METTL2B: variants seen among roughly 807,000 people sequenced by gnomAD.
METTL2B encodes the protein tRNA N(3)-cytidine methyltransferase METTL2B.
Under a neutral mutation model 51.0 loss-of-function variants are expected in METTL2B, and 28 were observed. That is an observed-to-expected ratio of 0.55 (90% CI 0.41 to 0.75). METTL2B has a LOEUF of 0.75. METTL2B is among the 30% of genes least tolerant of loss of function. The pLI, the probability that METTL2B is intolerant of heterozygous loss-of-function variation, is 0.00. For missense variants in METTL2B, 313 were observed against 460.7 expected (o/e 0.68, Z 2.93); for synonymous variants, 128 against 166.3 (o/e 0.77, Z 1.77).
intron 5 of METTL2B, among the ~76,000 whole-genome samples, chr7:128,491,529 G>T (rs1463128398): frequency 6.6e-6 from 1 of 151,828 alleles, no homozygotes; most frequent in Admixed American, 6.6e-5. Flanking sequence ...GGGAGGCAGA[G>T]GTTGTAGTGA....
At chr7:128,498,454 G>C (rs1402788629) in intron 7 of METTL2B, among the ~76,000 whole-genome samples, 1 of 150,776 alleles carries the variant, frequency 6.6e-6, no homozygotes, top group African/African-American at 2.4e-5. Flanking sequence ...TATCAAACCT[G>C]TATGTTCTGC....
rs1319658735 is a variant in METTL2B at position 128,488,111 on chromosome 7, C to G, written c.619C>G (p.Leu207Val). The G allele has an allele frequency of 1.9e-6, 3 of 1,608,538 alleles. No homozygotes were observed. The highest frequency in any genetic ancestry group is 2.2e-5 in the South Asian group (2 of 90,324). The change falls in exon 5 of 9, where the codon CTC becomes GTC. Residue 207 changes from leucine to valine, a missense_variant. Transcript: ENST00000262432. ...PILQTNNDPG[L>V]FVYCCDFSST... ...TTCTGCCCATTTCAGTGACCCAGGACTCTTTGTTTATTGCTGTGATTTTTC... is the reference window on the plus strand; with the variant it reads ...TTCTGCCCATTTCAGTGACCCAGGAGTCTTTGTTTATTGCTGTGATTTTTC...
At chr7:128,496,130 C>T (rs1320481923) in intron 6 of METTL2B, among the ~76,000 whole-genome samples, 1 of 147,472 alleles carries the variant, frequency 6.8e-6, no homozygotes, top group African/African-American at 2.4e-5. Context: ...ATTGACCTTC[C>T]TCTAGAAGGC....
chr7:128,478,498 C>T (rs1799832236), intron 2 of METTL2B, among the ~76,000 whole-genome samples: 1 of 150,776 alleles, frequency 6.6e-6, no homozygotes, highest in Non-Finnish European at 1.5e-5. Flanking sequence ...ATCCGCCCAT[C>T]TTAGCCTCCC....
intron 5 of METTL2B, among the ~76,000 whole-genome samples, chr7:128,493,373 C>T (rs1211146602): frequency 6.6e-6 from 1 of 152,078 alleles, no homozygotes; most frequent in Non-Finnish European, 1.5e-5. Context: ...CCACCACACC[C>T]AGCTAATTTT....
chr7:128,482,557 G>A (rs533680499), intron 4 of METTL2B, among the ~76,000 whole-genome samples: 5 of 152,078 alleles, frequency 3.3e-5, no homozygotes, highest in African/African-American at 9.6e-5. Context: ...TGTTTGAGAC[G>A]GAGTCTTGCT....
chr7:128,495,966 G>C (rs191215493), intron 6 of METTL2B, among the ~76,000 whole-genome samples: 70 of 152,288 alleles, frequency 4.6e-4, no homozygotes, highest in African/African-American at 1.6e-3. Context: ...CTGCAAAGAT[G>C]ATTAAGTAAA....
In METTL2B at chr7:128,505,471, G is replaced by T. The variant is rs1474100433; in HGVS notation, c.*3555G>T. ...TCTGCATTTTGGGCAGGAATATTCA[G>T]AGGTGATGCTGTGTTCCTCCCATAG... On this transcript the variant is annotated 3_prime_UTR_variant, in exon 9 of 9. Coordinates refer to ENST00000262432, the MANE Select transcript of METTL2B (RefSeq NM_018396.3). 1 of 152,156 alleles carries T rather than the reference G, an allele frequency of 6.6e-6. No individual in the cohort carries two copies. The highest frequency in any genetic ancestry group is 1.5e-5 in the Non-Finnish European group (1 of 68,024). The allele number at this position is 152,156 out of a possible 1,614,324, so 9.4% of individuals were successfully genotyped here. A position where few individuals can be genotyped will look rare whatever the true frequency, so the allele number is the denominator to read the frequency against.
At chr7:128,484,234 T>TGTTTTTTTTTTGTTTTTGTTTTTG (rs200444587) in intron 4 of METTL2B, 1 of 127,280 alleles carries the variant, frequency 7.9e-6, no homozygotes, top group East Asian at 2.5e-4. Flanking sequence ...TTTTTTTTTT[T>TGTTTTTTTTTTGTTTTTGTTTTTG]TTTTTTTTTT....
chr7:128,484,234 T>TGTTTTG (rs200444587), intron 4 of METTL2B: 3 of 127,214 alleles, frequency 2.4e-5, no homozygotes, highest in Non-Finnish European at 5.0e-5. Context: ...TTTTTTTTTT[T>TGTTTTG]TTTTTTTTTT....
At chr7:128,498,694 T>C (rs1167942774) in intron 7 of METTL2B, among the ~76,000 whole-genome samples, 1 of 152,136 alleles carries the variant, frequency 6.6e-6, no homozygotes, top group Non-Finnish European at 1.5e-5. Flanking sequence ...GAAGAGCTTT[T>C]ATTAGAAAGA....
intron 5 of METTL2B, among the ~76,000 whole-genome samples, chr7:128,492,712 G>A (rs1374830252): frequency 1.8e-4 from 28 of 151,938 alleles, no homozygotes; most frequent in African/African-American, 6.5e-4. Context: ...CGCCTCCCGG[G>A]TTCACGCCAT....
chr7:128,493,954 G>A lies in METTL2B; in HGVS notation c.809+11G>A. 2 of 1,590,506 alleles carry A rather than the reference G, an allele frequency of 1.3e-6. No homozygotes were observed. Among genetic ancestry groups the A allele is most frequent in the Admixed American group, 3.8e-5 (2 of 52,584 alleles). On this transcript the variant is annotated intron_variant, in intron 6 of 8. Coordinates refer to ENST00000262432, the MANE Select transcript of METTL2B (RefSeq NM_018396.3). Reference sequence around the variant, plus strand: ...AGTTGTTCCAGACAAGTAAGTTTGGGTCCCTTAGCTGGTAGTGTCACAAAA... The same window carrying A: ...AGTTGTTCCAGACAAGTAAGTTTGGATCCCTTAGCTGGTAGTGTCACAAAA...
intron 6 of METTL2B, among the ~76,000 whole-genome samples, chr7:128,496,947 A>G (rs1584796762): frequency 6.6e-6 from 1 of 151,804 alleles, no homozygotes; most frequent in Non-Finnish European, 1.5e-5. Context: ...TCCCTGGCTA[A>G]TTTTTTTGTA....
Position 128,498,047 on chromosome 7 carries a change from C to T in METTL2B, c.821C>T (p.Ala274Val), listed in dbSNP as rs1792956995. 1 of 1,613,588 alleles carries T rather than the reference C, an allele frequency of 6.2e-7. No homozygotes were observed. Among genetic ancestry groups the T allele is most frequent in the Non-Finnish European group, 8.5e-7 (1 of 1,179,762 alleles). ...SAVVPDKMQK[A>V]INRLSRLLKP... ...CTGTGTCTCCACAGGATGCAGAAGG[C>T]TATCAACAGGCTGAGCAGGCTTCTG... Residue 274 changes from alanine (A) to valine (V), a missense_variant, in exon 7 of 9, where the codon GCT (alanine) becomes GTT (valine). Physicochemically the swap from Ala to Val is moderately conservative, Grantham distance 64 (BLOSUM62 0). Transcript: ENST00000262432.
intron 6 of METTL2B, among the ~76,000 whole-genome samples, chr7:128,496,599 T>C (rs1223159541): frequency 2.0e-5 from 3 of 152,090 alleles, no homozygotes; most frequent in African/African-American, 7.2e-5. Flanking sequence ...TTTTTTAAAA[T>C]TGACATGGAC....
intron 2 of METTL2B, chr7:128,477,814 A>G (rs1290740774): frequency 3.2e-6 from 1 of 310,372 alleles, no homozygotes; most frequent in Non-Finnish European, 6.8e-6. Context: ...GTACCTGCTG[A>G]AAGAGTTCTG....
In METTL2B at chr7:128,479,137, T is replaced by C. The variant is rs1799841390; in HGVS notation, c.203-21T>C. 3 of 1,569,252 alleles carry C rather than the reference T, an allele frequency of 1.9e-6. No homozygotes were observed. In the African/African-American group the frequency reaches 4.1e-5, roughly 22 times the overall value. On this transcript the variant is annotated intron_variant, in intron 2 of 8. Transcript: ENST00000262432. ...AATATTTGAGAGCTGGTTCTTAAAA[T>C]TTTTTCTTAAATATTTACAGTTGAT...
intron 7 of METTL2B, among the ~76,000 whole-genome samples, chr7:128,499,131 T>TTAA (rs1202981723): frequency 6.6e-6 from 1 of 152,170 alleles, no homozygotes; most frequent in African/African-American, 2.4e-5. Flanking sequence ...AGATGAAGAC[T>TTAA]TAATATCTTT....
Sources: allele counts gnomAD v4.1 joint callset (sites outside exome capture counted in the v4.1 genomes callset), GRCh38; gene constraint gnomAD v4.1.1; transcripts MANE v1.5; gene names NCBI Gene and HGNC (gene_info 2026-07-23, HGNC 2026-07-21).